FEM1C: variants seen among roughly 807,000 people sequenced by gnomAD.
The protein encoded by FEM1C is protein fem-1 homolog C.
Under a neutral mutation model 37.6 loss-of-function variants are expected in FEM1C, and 15 were observed. The ratio of observed to expected loss-of-function variants is 0.40; its 90% CI spans 0.27 to 0.61. The LOEUF (loss-of-function observed/expected upper bound fraction) is 0.61, where lower values mean the gene tolerates loss of function less well. Among genes scored for constraint, FEM1C ranks in the 20% least tolerant of loss-of-function variants. The probability of loss-of-function intolerance (pLI) is 0.42; values close to 1 mark genes in which losing one functional copy is unlikely to be tolerated. For synonymous variants in FEM1C, 287 were observed against 272.8 expected (o/e 1.05, Z -0.51); for missense variants, 532 against 749.7 (o/e 0.71, Z 3.39).
At chr5:115,539,331 AAAAAC>A (rs958198565) in intron 2 of FEM1C, among the ~76,000 whole-genome samples, 14 of 152,186 alleles carry the variant, frequency 9.2e-5, no homozygotes, top group Admixed American at 5.9e-4. Context: ...AAGTCCAAAC[AAAAAC>A]AACCCCAAAA....
chr5:115,538,751 T>C (rs1322939886), intron 2 of FEM1C, among the ~76,000 whole-genome samples: 2 of 151,996 alleles, frequency 1.3e-5, no homozygotes, highest in Non-Finnish European at 2.9e-5. Context: ...TTAGTTCTAA[T>C]ATGCCTACTT....
Position 115,525,233 on chromosome 5 carries a change from C to T in FEM1C, c.929G>A (p.Gly310Asp). 2 of 1,613,480 alleles carry T rather than the reference C, an allele frequency of 1.2e-6. No individual in the cohort carries two copies. Among genetic ancestry groups the T allele is most frequent in the Non-Finnish European group, 1.7e-6 (2 of 1,179,780 alleles). The change falls in exon 3 of 3, where the codon GGT becomes GAT. Residue 310 changes from glycine to aspartate, a missense_variant. Gly to Asp is a moderately conservative substitution (Grantham distance 94). Coordinates refer to ENST00000274457, the MANE Select transcript of FEM1C (RefSeq NM_020177.3). ...KEVNSAEELE[G>D]LIADPDEMRM... ...CATCTCATCAGGATCAGCAATAAGA[C>T]CTTCTAGCTCTTCTGCACTGTTCAC...
At chr5:115,527,829 T>C (rs1753926644) in intron 2 of FEM1C, among the ~76,000 whole-genome samples, 2 of 151,828 alleles carry the variant, frequency 1.3e-5, no homozygotes, top group African/African-American at 4.8e-5. Context: ...GGTAAAACCT[T>C]GTCTCTACTA....
At chr5:115,540,134 G>C (rs1754209360) in intron 2 of FEM1C, among the ~76,000 whole-genome samples, 1 of 151,952 alleles carries the variant, frequency 6.6e-6, no homozygotes, top group Non-Finnish European at 1.5e-5. Context: ...ATCCTCTCTT[G>C]CTGCTAAATC....
At chr5:115,527,688 G>C (rs1753923195) in intron 2 of FEM1C, among the ~76,000 whole-genome samples, 1 of 152,012 alleles carries the variant, frequency 6.6e-6, no homozygotes, top group Non-Finnish European at 1.5e-5. Context: ...ATTCAGAGTA[G>C]CACAAAATCA....
intron 2 of FEM1C, among the ~76,000 whole-genome samples, chr5:115,531,514 T>C (rs1754014060): frequency 6.6e-6 from 1 of 152,130 alleles, no homozygotes; most frequent in South Asian, 2.1e-4. Context: ...TCATTATCTC[T>C]GGAATGAATG....
chr5:115,540,982 A>G (rs550872102), intron 2 of FEM1C, among the ~76,000 whole-genome samples: 2 of 152,228 alleles, frequency 1.3e-5, no homozygotes, highest in East Asian at 1.9e-4. Flanking sequence ...CAAAAGAATG[A>G]TAATTGTTTG....
Position 115,543,652 on chromosome 5 carries a change from G to A in FEM1C, c.-159C>T. 1 of 1,381,134 alleles carries A rather than the reference G, an allele frequency of 7.2e-7. No individual in the cohort carries two copies. Among genetic ancestry groups the A allele is most frequent in the Non-Finnish European group, 9.3e-7 (1 of 1,072,526 alleles). The allele number at this position is 1,381,134 out of a possible 1,614,324, so 85.6% of individuals were successfully genotyped here. A position where few individuals can be genotyped will look rare whatever the true frequency, so the allele number is the denominator to read the frequency against. On this transcript the variant is annotated 5_prime_UTR_variant, in exon 2 of 3. Transcript: ENST00000274457. The stretch of plus-strand genomic sequence containing the variant: ...CACGAAGAGTATGTTCCGTCCTACT[G>A]CTTTCCAACATCTGACAACCAGGGC...
chr5:115,524,778 C>G lies in FEM1C; in HGVS notation c.1384G>C (p.Asp462His), dbSNP rs753336652. 2 of 1,571,900 alleles carry G rather than the reference C, an allele frequency of 1.3e-6. No individual in the cohort carries two copies. Residue 462 changes from aspartate to histidine, a missense_variant, in exon 3 of 3, where the codon GAC becomes CAC. Physicochemically the swap from Asp to His is moderately conservative, Grantham distance 81 (BLOSUM62 -1). This residue lies in a region of FEM1C where 237 missense variants were observed against 260.5 expected (regional missense o/e 0.91). Transcript: ENST00000274457. ...TATATAGTCTGCTTTTTGAAATGGT[C>G]TTGTTCTAGAGTACAAGGAACTTTC... ...LEKVPCTLEQ[D>H]HFKKQTIYRF...
intron 2 of FEM1C, among the ~76,000 whole-genome samples, chr5:115,529,756 C>G (rs1330805450): frequency 6.6e-6 from 1 of 152,028 alleles, no homozygotes; most frequent in Non-Finnish European, 1.5e-5. Flanking sequence ...TCTAAGATCT[C>G]TTTCTTGTAA....
rs796195382 is a variant in FEM1C, at chr5:115,544,263, C to A, written c.-191+260G>T. On this transcript the variant is annotated intron_variant, in intron 1 of 2. Coordinates refer to ENST00000274457, the MANE Select transcript of FEM1C (RefSeq NM_020177.3). ...CGCCCGCCCCATTTCGATCACCCCC[C>A]ACCCCCCGCCAAGGGATGATCCGCA... 4 of 784,272 alleles carry A rather than the reference C, an allele frequency of 5.1e-6. No individual in the cohort carries two copies. The African/African-American group carries it at 7.5e-5, about 15-fold the overall frequency. 48.6% of individuals were successfully genotyped at this position (784,272 alleles called of 1,614,324 possible).
intron 2 of FEM1C, 116 bp from the exon 3 acceptor site, chr5:115,525,733 G>T: frequency 1.3e-6 from 1 of 765,556 alleles, no homozygotes; most frequent in Non-Finnish European, 2.0e-6. Context: ...TTCCTAAGTA[G>T]GACATACTTG....
rs1406066641 is a variant in FEM1C, at chr5:115,522,515, C to A, written c.*1793G>T. 1 of 151,910 alleles carries A rather than the reference C, an allele frequency of 6.6e-6. No individual in the cohort carries two copies. The highest frequency in any genetic ancestry group is 1.5e-5 in the Non-Finnish European group (1 of 67,894). 9.4% of individuals were successfully genotyped at this position (151,910 alleles called of 1,614,324 possible). On this transcript the variant is annotated 3_prime_UTR_variant, in exon 3 of 3. Transcript: ENST00000274457. The stretch of plus-strand genomic sequence containing the variant: ...CAACCTAGCAAATGAGTAAGAATAT[C>A]TTTTAAAAATTAAATCTCAATTATT...
chr5:115,534,883 T>C (rs1306287553), intron 2 of FEM1C, among the ~76,000 whole-genome samples: 2 of 151,862 alleles, frequency 1.3e-5, no homozygotes, highest in Non-Finnish European at 2.9e-5. Flanking sequence ...AGCAAGAAAA[T>C]AGAGAAGGAT....
chr5:115,535,161 CA>C (rs954140759), intron 2 of FEM1C, among the ~76,000 whole-genome samples: 48 of 151,682 alleles, frequency 3.2e-4, no homozygotes, highest in African/African-American at 1.0e-3. Context: ...GTAAATTCTG[CA>C]GTCTATTCCT....
intron 2 of FEM1C, among the ~76,000 whole-genome samples, chr5:115,537,185 C>G (rs1754146648): frequency 6.6e-6 from 1 of 152,048 alleles, no homozygotes; most frequent in South Asian, 2.1e-4. Context: ...TCTTCCATCA[C>G]ATACATTCCT....
Position 115,524,290 on chromosome 5 carries a change from T to TA in FEM1C, c.*17dup. 6.2e-7 allele frequency: 1 copy of TA among 1,607,936 alleles called. No individual in the cohort carries two copies. The highest frequency in any genetic ancestry group is 8.5e-7 in the Non-Finnish European group (1 of 1,175,220). On this transcript the variant is annotated 3_prime_UTR_variant, in exon 3 of 3. Coordinates refer to ENST00000274457, the MANE Select transcript of FEM1C (RefSeq NM_020177.3). ...TTACCAATTCGTGCTTTAACAGTGC[T>TA]AAAATACAGTCAAGTTATCATCTAT...
rs1753831178 is a variant in FEM1C, at chr5:115,524,123, T to C, written c.*185A>G. The stretch of plus-strand genomic sequence containing the variant: ...AATAATTCACAAACAATATATTATA[T>C]GGTATATTTATATTAAATATTGGGA... On this transcript the variant is annotated 3_prime_UTR_variant, in exon 3 of 3. Coordinates refer to ENST00000274457, the MANE Select transcript of FEM1C (RefSeq NM_020177.3). 1.8e-6 allele frequency: 1 copy of C among 552,698 alleles called. No individual in the cohort carries two copies. The highest frequency in any genetic ancestry group is 1.9e-5 in the African/African-American group (1 of 52,670). 34.2% of individuals were successfully genotyped at this position (552,698 alleles called of 1,614,324 possible).
intron 2 of FEM1C, among the ~76,000 whole-genome samples, chr5:115,541,878 T>C (rs1754249400): frequency 6.6e-6 from 1 of 152,108 alleles, no homozygotes; most frequent in Non-Finnish European, 1.5e-5. Context: ...ATAGACCAAC[T>C]CTAAAAGGAC....
Sources: gnomAD v4.1 joint callset for allele counts (sites outside exome capture counted in the v4.1 genomes callset) on GRCh38, gnomAD v4.1.1 for gene constraint, gnomAD v4.1.1 regional missense constraint, MANE v1.5 for transcripts, NCBI Gene and HGNC (gene_info 2026-07-23, HGNC 2026-07-21) for gene names.